CDH6: variants seen among roughly 807,000 people sequenced by gnomAD.
The protein encoded by CDH6 is cadherin 6, also known as cadherin-6.
Under a neutral mutation model 78.0 loss-of-function variants are expected in CDH6, and 31 were observed. That is an observed-to-expected ratio of 0.40 (90% CI 0.30 to 0.54). The LOEUF is 0.54. Ranked by LOEUF, CDH6 falls within the 20% of genes least tolerant of loss-of-function variation. The pLI is 0.56. For synonymous variants in CDH6, 376 were observed against 368.8 expected (o/e 1.02, Z -0.23); for missense variants, 724 against 975.9 (o/e 0.74, Z 3.44).
rs1267394639 is a variant in CDH6, at chr5:31,324,354, A to G, written c.*1046A>G. The G allele has an allele frequency of 4.7e-6, 1 of 214,552 alleles. No homozygotes were observed. The highest frequency in any genetic ancestry group is 2.3e-5 in the African/African-American group (1 of 44,336). 13.3% of individuals were successfully genotyped at this position (214,552 alleles called of 1,614,324 possible). On this transcript the variant is annotated 3_prime_UTR_variant, in exon 12 of 12. Transcript: ENST00000265071. ...TTAAATAAAACTTAAATCTCACTCT[A>G]GGAGTTCAGTGGAGAGGTTAGAGCC...
chr5:31,230,873 G>A (rs1027988962), intron 1 of CDH6, among the ~76,000 whole-genome samples: 17 of 152,142 alleles, frequency 1.1e-4, no homozygotes, highest in African/African-American at 3.6e-4. Context: ...TTCATGAACT[G>A]TGAATGAAAA....
chr5:31,297,484 T>TA, intron 4 of CDH6, 76 bp downstream of exon 4: 1 of 1,109,548 alleles, frequency 9.0e-7, no homozygotes, highest in East Asian at 2.5e-5. Flanking sequence ...ATATTTTTAA[T>TA]AAAAATAATC....
intron 1 of CDH6, among the ~76,000 whole-genome samples, chr5:31,195,851 T>G (rs1265019061): frequency 6.6e-6 from 1 of 152,234 alleles, no homozygotes; most frequent in Admixed American, 6.5e-5. Flanking sequence ...CATGCCATAC[T>G]TTTGAAGCAG....
intron 2 of CDH6, among the ~76,000 whole-genome samples, chr5:31,272,458 G>C (rs565229812): frequency 1.1e-4 from 16 of 152,128 alleles, no homozygotes; most frequent in Non-Finnish European, 1.9e-4. Context: ...TCTCTAGCCT[G>C]TTTTATGTAA....
chr5:31,301,711 C>T lies in CDH6; in HGVS notation c.812-400C>T, dbSNP rs551203401. On this transcript the variant is annotated intron_variant, in intron 5 of 11. Coordinates refer to ENST00000265071, the MANE Select transcript of CDH6 (RefSeq NM_004932.4). Reference sequence around the variant, plus strand: ...ATTATTAGCAACGGTAGAAAGAACTCTTTTAAAGAATACCTAGTAATTAAC... The same window carrying T: ...ATTATTAGCAACGGTAGAAAGAACTTTTTTAAAGAATACCTAGTAATTAAC... 5.9e-5 allele frequency among the ~76,000 whole-genome samples: 9 copies of T among 152,320 alleles called. No individual in the cohort carries two copies. In the South Asian group the frequency reaches 1.9e-3, roughly 32 times the overall value.
chr5:31,209,480 G>A (rs1740632028), intron 1 of CDH6, among the ~76,000 whole-genome samples: 1 of 152,170 alleles, frequency 6.6e-6, no homozygotes, highest in Non-Finnish European at 1.5e-5. Context: ...ATTTTCAGGA[G>A]TGATTAAGCT....
At chr5:31,206,620 G>A (rs1579812690) in intron 1 of CDH6, among the ~76,000 whole-genome samples, 1 of 152,336 alleles carries the variant, frequency 6.6e-6, no homozygotes, top group East Asian at 1.9e-4. Context: ...CAGTTCTGCA[G>A]AGAAAGCAGG....
intron 2 of CDH6, among the ~76,000 whole-genome samples, chr5:31,291,657 G>A (rs570738159): frequency 1.9e-4 from 29 of 152,300 alleles, no homozygotes; most frequent in African/African-American, 6.7e-4. Flanking sequence ...GCAAGGATCC[G>A]CCAGGTGGTG....
At position 31,292,766 on chromosome 5, in the gene CDH6, C is replaced by CGT. The variant is rs148045734; in HGVS notation, c.229-1189_229-1188dup. On this transcript the variant is annotated intron_variant, in intron 2 of 11. Transcript: ENST00000265071. ...GACTGAATATATATATATATATGTG[C>CGT]GTGTGTGTATGTGTGTATATGTATA... Among the ~76,000 whole-genome samples the CGT allele has an allele frequency of 2.7e-3, 399 of 147,098 alleles. 7 individuals carry two copies. The South Asian group carries it at 0.041, about 15-fold the overall frequency.
Position 31,324,025 on chromosome 5 carries a change from A to G in CDH6, c.*717A>G. 4.4e-6 allele frequency: 1 copy of G among 226,356 alleles called. No individual in the cohort carries two copies. Among genetic ancestry groups the G allele is most frequent in the Non-Finnish European group, 8.8e-6 (1 of 113,826 alleles). 14.0% of individuals were successfully genotyped at this position (226,356 alleles called of 1,614,324 possible). A position where few individuals can be genotyped will look rare whatever the true frequency, so the allele number is the denominator to read the frequency against. On this transcript the variant is annotated 3_prime_UTR_variant, in exon 12 of 12. Coordinates refer to ENST00000265071, the MANE Select transcript of CDH6 (RefSeq NM_004932.4). Reference sequence around the variant, plus strand: ...TAGACATGCGAAAGTTTGCCTTTGTACCATATAAAGGGGGAGGGAAATAGC... The same window carrying G: ...TAGACATGCGAAAGTTTGCCTTTGTGCCATATAAAGGGGGAGGGAAATAGC...
At chr5:31,290,119 G>A (rs1239029919) in intron 2 of CDH6, among the ~76,000 whole-genome samples, 2 of 152,120 alleles carry the variant, frequency 1.3e-5, no homozygotes, top group African/African-American at 4.8e-5. Flanking sequence ...AATTAGCCAG[G>A]TGTGGTGGTG....
intron 2 of CDH6, among the ~76,000 whole-genome samples, chr5:31,269,947 G>A (rs929863024): frequency 5.9e-5 from 9 of 152,158 alleles, no homozygotes; most frequent in African/African-American, 1.2e-4. Flanking sequence ...TATCAGACAC[G>A]CGTTAGAGGT....
chr5:31,292,840 TATATATGTGTGC>T (rs1259129833), intron 2 of CDH6, among the ~76,000 whole-genome samples: 24 of 14,052 alleles, frequency 1.7e-3, no homozygotes, highest in African/African-American at 0.015. Flanking sequence ...TATATATATA[TATATATGTGTGC>T]ATATATATAT....
At chr5:31,280,176 C>A (rs1270976027) in intron 2 of CDH6, among the ~76,000 whole-genome samples, 1 of 152,126 alleles carries the variant, frequency 6.6e-6, no homozygotes, top group Non-Finnish European at 1.5e-5. Flanking sequence ...AAAGAGAATT[C>A]AACACAAGAG....
Position 31,261,312 on chromosome 5 carries a change from G to A in CDH6, c.-128-6034G>A, listed in dbSNP as rs144613351. On this transcript the variant is annotated intron_variant, in intron 1 of 11. Transcript: ENST00000265071. ...GATGTTAAAAAGTCATAAATAACCA[G>A]CTGTTTTCTACTTCCTTAATGATAT... 2.6e-3 allele frequency among the ~76,000 whole-genome samples: 395 copies of A among 152,260 alleles called. 1 individual carries two copies. The highest frequency in any genetic ancestry group is 3.5e-3 in the Admixed American group (53 of 15,296).
intron 7 of CDH6, among the ~76,000 whole-genome samples, chr5:31,310,841 C>G (rs1738128492): frequency 6.6e-6 from 1 of 152,232 alleles, no homozygotes; most frequent in African/African-American, 2.4e-5. Context: ...CACAGGATGC[C>G]ATGTCCCAAG....
At chr5:31,265,733 TTTG>T (rs1296128378) in intron 1 of CDH6, among the ~76,000 whole-genome samples, 3 of 151,952 alleles carry the variant, frequency 2.0e-5, no homozygotes, top group Non-Finnish European at 2.9e-5. Flanking sequence ...ACACTTCCTT[TTTG>T]TTGTTGTTGT....
chr5:31,287,422 A>G (rs1743039846), intron 2 of CDH6, among the ~76,000 whole-genome samples: 3 of 152,238 alleles, frequency 2.0e-5, no homozygotes, highest in Admixed American at 1.3e-4. Flanking sequence ...TATGAATTCA[A>G]GAGTAATTTA....
chr5:31,217,017 C>T (rs1256223341), intron 1 of CDH6, among the ~76,000 whole-genome samples: 1 of 152,010 alleles, frequency 6.6e-6, no homozygotes, highest in Admixed American at 6.6e-5. Flanking sequence ...AGCAGAGGGA[C>T]CTTTTATTAT....
Sources: allele counts gnomAD v4.1 joint callset (sites outside exome capture counted in the v4.1 genomes callset), GRCh38; gene constraint gnomAD v4.1.1; transcripts MANE v1.5; gene names NCBI Gene and HGNC (gene_info 2026-07-23, HGNC 2026-07-21).